ANKFN1: variants seen among roughly 807,000 people sequenced by gnomAD.
ANKFN1 encodes the protein ankyrin repeat and fibronectin type-III domain-containing protein 1.
In ANKFN1, 74 loss-of-function variants were observed where a neutral mutation model predicts 108.7. The observed-to-expected ratio is 0.68, with a 90% CI of 0.56 to 0.83. ANKFN1 has a LOEUF of 0.83. ANKFN1 is among the 40% of genes least tolerant of loss of function. The probability of loss-of-function intolerance (pLI) is 0.00; values close to 1 mark genes in which losing one functional copy is unlikely to be tolerated. For missense variants in ANKFN1, 1,505 were observed against 1,382.3 expected (o/e 1.09, Z -1.41); for synonymous variants, 547 against 516.2 (o/e 1.06, Z -0.81).
At chr17:56,459,268 A>C (rs984569328) in intron 14 of ANKFN1, among the ~76,000 whole-genome samples, 1 of 151,982 alleles carries the variant, frequency 6.6e-6, no homozygotes, top group Non-Finnish European at 1.5e-5. Context: ...CCACTACCAC[A>C]CCCGGCTAAT....
At chr17:56,482,279 T>C (rs1399785041) in intron 17 of ANKFN1, 77 bp from the exon 18 acceptor site, 1 of 1,310,206 alleles carries the variant, frequency 7.6e-7, no homozygotes, top group Non-Finnish European at 1.0e-6. Context: ...TGAGATGTTT[T>C]ATGCCAGTTT....
At chr17:56,293,265 C>T (rs991821239) in intron 3 of ANKFN1, among the ~76,000 whole-genome samples, 2 of 152,186 alleles carry the variant, frequency 1.3e-5, no homozygotes, top group African/African-American at 4.8e-5. Flanking sequence ...ATGCCAGGCA[C>T]CATGTTAGGC....
intron 3 of ANKFN1, among the ~76,000 whole-genome samples, chr17:56,276,869 G>T (rs569695561): frequency 1.3e-5 from 2 of 152,126 alleles, no homozygotes; most frequent in Admixed American, 6.5e-5. Flanking sequence ...TTCATCATAG[G>T]GTATAACTTA....
At chr17:56,052,124 C>A (rs1904788627) in intron 4 of ANKFN1, among the ~76,000 whole-genome samples, 1 of 151,908 alleles carries the variant, frequency 6.6e-6, no homozygotes, top group Non-Finnish European at 1.5e-5. Flanking sequence ...CAATCCTAAG[C>A]CAGAAGAACA....
intron 1 of ANKFN1, among the ~76,000 whole-genome samples, chr17:56,159,685 T>C (rs1909461834): frequency 1.3e-5 from 2 of 152,202 alleles, no homozygotes; most frequent in South Asian, 4.1e-4. Flanking sequence ...TAATAACTCT[T>C]TAGCACCAGT....
At chr17:56,468,317 T>G (rs112908341) in intron 15 of ANKFN1, among the ~76,000 whole-genome samples, 9 of 152,284 alleles carry the variant, frequency 5.9e-5, no homozygotes, top group African/African-American at 2.2e-4. Flanking sequence ...GCCTGGATGG[T>G]GGAATTGGGA....
intron 8 of ANKFN1, among the ~76,000 whole-genome samples, chr17:56,437,676 T>A (rs963028213): frequency 7.9e-5 from 12 of 152,288 alleles, no homozygotes; most frequent in African/African-American, 2.9e-4. Context: ...CTTCCCCAAT[T>A]TGACTTTCAG....
intron 8 of ANKFN1, among the ~76,000 whole-genome samples, chr17:56,405,145 C>T (rs993871498): frequency 1.6e-4 from 25 of 152,156 alleles, no homozygotes; most frequent in Non-Finnish European, 2.8e-4. Flanking sequence ...GGTTGGCCTC[C>T]GGCCGGGAGG....
At chr17:56,285,831 AGACAATGATGAT>A (rs1272837356) in intron 3 of ANKFN1, among the ~76,000 whole-genome samples, 2 of 126,106 alleles carry the variant, frequency 1.6e-5, no homozygotes, top group African/African-American at 3.4e-5. Context: ...CCAGCCTGTC[AGACAATGATGAT>A]GATGATGATG....
intron 20 of ANKFN1, among the ~76,000 whole-genome samples, chr17:56,502,448 T>C (rs1425919410): frequency 6.6e-6 from 1 of 152,196 alleles, no homozygotes; most frequent in South Asian, 2.1e-4. Context: ...GTCCATTTAC[T>C]TCTTGGAAGC....
chr17:56,377,666 G>A (rs1477702130), intron 8 of ANKFN1, among the ~76,000 whole-genome samples: 1 of 152,048 alleles, frequency 6.6e-6, no homozygotes, highest in Non-Finnish European at 1.5e-5. Context: ...CACTGCCTTG[G>A]GTCACCTGCC....
intron 4 of ANKFN1, among the ~76,000 whole-genome samples, chr17:56,132,964 G>T (rs1263075843): frequency 2.0e-5 from 3 of 152,158 alleles, no homozygotes; most frequent in African/African-American, 4.8e-5. Flanking sequence ...CAAGTCATGA[G>T]GATTCTAGTT....
intron 4 of ANKFN1, among the ~76,000 whole-genome samples, chr17:56,124,772 C>T (rs1285827354): frequency 1.3e-5 from 2 of 152,204 alleles, no homozygotes; most frequent in African/African-American, 4.8e-5. Flanking sequence ...AACAGGCCTG[C>T]CTTTGGGATT....
intron 20 of ANKFN1, among the ~76,000 whole-genome samples, chr17:56,507,649 A>G (rs1267221673): frequency 6.6e-6 from 1 of 151,896 alleles, no homozygotes; most frequent in Non-Finnish European, 1.5e-5. Context: ...AACCCAAATC[A>G]GGACTGAAAT....
intron 14 of ANKFN1, among the ~76,000 whole-genome samples, chr17:56,466,136 T>C (rs2050065542): frequency 6.6e-6 from 1 of 152,186 alleles, no homozygotes; most frequent in African/African-American, 2.4e-5. Context: ...CTGTAATCTT[T>C]GCAGGCTCTG....
intron 20 of ANKFN1, among the ~76,000 whole-genome samples, chr17:56,500,170 T>C (rs2051323085): frequency 6.6e-6 from 1 of 152,220 alleles, no homozygotes; most frequent in South Asian, 2.1e-4. Flanking sequence ...TAAGGTAAAC[T>C]ATATCAATGA....
intron 3 of ANKFN1, among the ~76,000 whole-genome samples, chr17:56,290,494 C>G (rs773388920): frequency 2.6e-5 from 4 of 152,008 alleles, no homozygotes; most frequent in African/African-American, 9.7e-5. Flanking sequence ...CTATATATAC[C>G]TTGATGTAGT....
chr17:56,322,511 T>C (rs2045400473), intron 3 of ANKFN1, among the ~76,000 whole-genome samples: 1 of 152,162 alleles, frequency 6.6e-6, no homozygotes, highest in Admixed American at 6.5e-5. Flanking sequence ...TAACATGGTG[T>C]TCGAGCTCTC....
intron 1 of ANKFN1, among the ~76,000 whole-genome samples, chr17:56,197,303 G>A (rs1270834085): frequency 1.3e-5 from 2 of 152,186 alleles, no homozygotes; most frequent in African/African-American, 4.8e-5. Flanking sequence ...GTTATATCAT[G>A]TTTCCAGAGA....
Sources: allele counts gnomAD v4.1 joint callset (sites outside exome capture counted in the v4.1 genomes callset), GRCh38; gene constraint gnomAD v4.1.1; transcripts MANE v1.5; gene names NCBI Gene and HGNC (gene_info 2026-07-23, HGNC 2026-07-21).